SEC14L1: variants seen among roughly 807,000 people sequenced by gnomAD.
SEC14L1 encodes SEC14 like lipid binding 1, also known as SEC14-like protein 1.
In SEC14L1, 48 loss-of-function variants were observed where a neutral mutation model predicts 85.3. The observed-to-expected ratio is 0.56, with a 90% confidence interval of 0.45 to 0.72. SEC14L1 has a LOEUF of 0.72. Among genes scored for constraint, SEC14L1 ranks in the 30% least tolerant of loss-of-function variants. SEC14L1 has a pLI of 0.00. For synonymous variants in SEC14L1, 391 were observed against 355.5 expected (o/e 1.10, Z -1.12); for missense variants, 682 against 921.4 (o/e 0.74, Z 3.36).
At chr17:77,110,507 T>C (rs1972021137) in intron 3 of SEC14L1, among the ~76,000 whole-genome samples, 1 of 152,088 alleles carries the variant, frequency 6.6e-6, no homozygotes, top group Non-Finnish European at 1.5e-5. Context: ...CCTGAGAACA[T>C]TTGCCCATGG....
rs530810898 is a variant in SEC14L1 at position 77,156,820 on chromosome 17, G to A, written c.63+13161G>A. Among the ~76,000 whole-genome samples, 523 of 152,268 alleles carry A rather than the reference G, an allele frequency of 3.4e-3. 3 individuals carry two copies. The highest frequency in any genetic ancestry group is 0.012 in the African/African-American group (485 of 41,552). The stretch of plus-strand genomic sequence containing the variant: ...CATGTTTTGTGAGTAAAATAGTTCA[G>A]TGAACTGAAGCTTATAATCCCTCTA... On this transcript the variant is annotated intron_variant, in intron 3 of 16. Transcript: ENST00000436233.
At chr17:77,168,737 C>G (rs550392608) in intron 3 of SEC14L1, among the ~76,000 whole-genome samples, 57 of 152,296 alleles carry the variant, frequency 3.7e-4, no homozygotes, top group African/African-American at 1.4e-3. Context: ...AAGGGCTCTT[C>G]TATTTTCCCA....
At chr17:77,198,537 G>A (rs1975931865) in intron 8 of SEC14L1, among the ~76,000 whole-genome samples, 1 of 151,776 alleles carries the variant, frequency 6.6e-6, no homozygotes, top group African/African-American at 2.4e-5. Flanking sequence ...AAACTATTCT[G>A]ATGATGGTTC....
At chr17:77,115,521 T>A (rs893237696) in intron 3 of SEC14L1, among the ~76,000 whole-genome samples, 1 of 152,236 alleles carries the variant, frequency 6.6e-6, no homozygotes, top group Non-Finnish European at 1.5e-5. Context: ...ATAATTCCAC[T>A]TGTTTCAGGC....
intron 14 of SEC14L1, 64 bp from the exon 15 acceptor site, chr17:77,211,881 ACGATG>A: frequency 1.3e-6 from 2 of 1,578,448 alleles, no homozygotes; most frequent in Middle Eastern, 4.3e-4. Flanking sequence ...CCTGGAGAGC[ACGATG>A]CGCTCGCAGC....
intron 3 of SEC14L1, among the ~76,000 whole-genome samples, chr17:77,182,948 G>C (rs1362478844): frequency 2.6e-5 from 4 of 152,266 alleles, no homozygotes; most frequent in Non-Finnish European, 5.9e-5. Flanking sequence ...GCTGGAGCCA[G>C]TGCTGAGGCC....
intron 3 of SEC14L1, among the ~76,000 whole-genome samples, chr17:77,154,290 G>T (rs1316923070): frequency 1.3e-5 from 2 of 152,068 alleles, no homozygotes; most frequent in Non-Finnish European, 2.9e-5. Flanking sequence ...GGGCAACTTA[G>T]CGAGACTCTG....
intron 3 of SEC14L1, among the ~76,000 whole-genome samples, chr17:77,102,876 G>A (rs1971811337): frequency 1.3e-5 from 2 of 152,068 alleles, no homozygotes; most frequent in South Asian, 4.1e-4. Context: ...ATCATGGCTT[G>A]CTGTGACCTC....
intron 3 of SEC14L1, among the ~76,000 whole-genome samples, chr17:77,121,718 G>A (rs1390153992): frequency 6.6e-6 from 1 of 152,204 alleles, no homozygotes; most frequent in East Asian, 1.9e-4. Flanking sequence ...TACAGATGAG[G>A]AAACGGGCTC....
intron 10 of SEC14L1, among the ~76,000 whole-genome samples, chr17:77,204,715 C>A (rs1436528117): frequency 1.3e-5 from 2 of 152,012 alleles, no homozygotes; most frequent in East Asian, 3.9e-4. Context: ...CTGAGCCTGG[C>A]TCACTGTTGG....
chr17:77,150,212 A>G (rs1226661304), intron 3 of SEC14L1, among the ~76,000 whole-genome samples: 2 of 152,164 alleles, frequency 1.3e-5, no homozygotes, highest in African/African-American at 4.8e-5. Flanking sequence ...GGAGGAAGGA[A>G]GAGAAAGAGA....
chr17:77,214,909 G>T lies in SEC14L1; in HGVS notation c.*886G>T. ...GAGCCCAGACAGTTCCAGCCACTAG[G>T]AGGCCGTCTTGGAACCAGCAAGTCG... is the stretch of plus-strand genomic sequence containing the variant. On this transcript the variant is annotated 3_prime_UTR_variant, in exon 17 of 17. Transcript: ENST00000436233. 1.0e-6 allele frequency: 1 copy of T among 985,418 alleles called. No homozygotes were observed. The highest frequency in any genetic ancestry group is 1.2e-6 in the Non-Finnish European group (1 of 829,956). The allele number at this position is 985,418 out of a possible 1,614,324, so 61.0% of individuals were successfully genotyped here.
intron 8 of SEC14L1, chr17:77,199,148 G>GCA (rs1328155121): frequency 6.6e-6 from 1 of 150,394 alleles, no homozygotes; most frequent in East Asian, 2.0e-4. Context: ...GGGACTACAG[G>GCA]CGTGCACCAC....
At chr17:77,191,340 T>A (rs929788882) in intron 5 of SEC14L1, 28 bp downstream of exon 5, 5 of 1,613,040 alleles carry the variant, frequency 3.1e-6, no homozygotes, top group Non-Finnish European at 4.2e-6. Context: ...CGGCGGAAGA[T>A]GTTCTGCCGA....
intron 3 of SEC14L1, among the ~76,000 whole-genome samples, chr17:77,188,952 T>G (rs985941274): frequency 1.3e-5 from 2 of 152,214 alleles, no homozygotes; most frequent in Admixed American, 1.3e-4. Flanking sequence ...ACTTCCTGTC[T>G]CTTGCACATT....
Position 77,096,554 on chromosome 17 carries a change from CA to C in SEC14L1, c.-136+3218del, listed in dbSNP as rs59377154. On this transcript the variant is annotated intron_variant, in intron 3 of 19. Coordinates refer to the SEC14L1 transcript ENST00000392476. ...CCTGGGTGACAGTGAGACTCCATCT[CA>C]AAAAAAAAAAGTCACCGTGGGACAC... Among the ~76,000 whole-genome samples the C allele has an allele frequency of 8.6e-3, 1,243 of 144,794 alleles. 7 individuals are homozygous for C. Among genetic ancestry groups the C allele is most frequent in the Middle Eastern group, 0.014 (4 of 286 alleles). The allele number at this position is 144,794 out of a possible 152,430, so 95.0% of individuals were successfully genotyped here.
intron 4 of SEC14L1, 21 bp from the exon 5 acceptor site, chr17:77,191,160 C>G (rs1567920856): frequency 5.6e-6 from 9 of 1,605,272 alleles, no homozygotes; most frequent in South Asian, 1.1e-5. Context: ...AAACCCATTT[C>G]TCTTTCTTTT....
intron 3 of SEC14L1, among the ~76,000 whole-genome samples, chr17:77,186,465 C>T (rs780073922): frequency 1.3e-5 from 2 of 152,276 alleles, no homozygotes; most frequent in Non-Finnish European, 2.9e-5. Context: ...CCCCTTCTGC[C>T]TCCTGGCACC....
chr17:77,194,281 G>A (rs1447709580), intron 6 of SEC14L1, among the ~76,000 whole-genome samples: 2 of 152,122 alleles, frequency 1.3e-5, no homozygotes, highest in East Asian at 1.9e-4. Context: ...GGGACTGGGC[G>A]CACTGGCTCA....
Sources: gnomAD v4.1 joint callset for allele counts (sites outside exome capture counted in the v4.1 genomes callset) on GRCh38, gnomAD v4.1.1 for gene constraint, MANE v1.5 for transcripts, NCBI Gene and HGNC (gene_info 2026-07-23, HGNC 2026-07-21) for gene names.